The following STK38 variants were observed in gnomAD, a reference collection of about 807,000 sequenced individuals.
STK38 encodes the protein serine/threonine-protein kinase 38.
In STK38, 26 loss-of-function variants were observed where a neutral mutation model predicts 59.0. The ratio of observed to expected loss-of-function variants is 0.44; its 90% CI spans 0.32 to 0.61. The LOEUF is 0.61. Ranked by LOEUF, STK38 falls within the 20% of genes least tolerant of loss-of-function variation. The pLI, the probability that STK38 is intolerant of heterozygous loss-of-function variation, is 0.04. For synonymous variants in STK38, 175 were observed against 176.6 expected (o/e 0.99, Z 0.07); for missense variants, 433 against 566.0 (o/e 0.76, Z 2.38).
intron 10 of STK38, among the ~76,000 whole-genome samples, chr6:36,499,335 C>T (rs62402196): frequency 0.019 from 2,874 of 152,274 alleles, 40 homozygotes; most frequent in Non-Finnish European, 0.027. Context: ...CCACAGGCAT[C>T]GTTCCCATGT....
chr6:36,497,782 G>T lies in STK38; in HGVS notation c.1170C>A (p.Ile390=). 1 of 1,607,918 alleles carries T rather than the reference G, an allele frequency of 6.2e-7. No individual in the cohort carries two copies. Among genetic ancestry groups the T allele is most frequent in the South Asian group, 1.1e-5 (1 of 90,688 alleles). Residue 390 remains isoleucine, a splice_region_variant and synonymous_variant, in exon 12 of 14, where the codon ATC becomes ATA. Transcript: ENST00000229812. Reference sequence around the variant, plus strand: ...TGAAAGTGTTTATATGGATATACCTGATATGTTCCCAGTCAACGCCTTCAA... The same window carrying T: ...TGAAAGTGTTTATATGGATATACCTTATATGTTCCCAGTCAACGCCTTCAA... ...SFFEGVDWEH[I]RERPAAISIE...
chr6:36,528,602 A>G (rs668499), intron 2 of STK38, among the ~76,000 whole-genome samples: 66,692 of 152,048 alleles, frequency 0.44, 16,509 homozygotes, highest in African/African-American at 0.65. Flanking sequence ...CACATGTATT[A>G]GAGAGAAAAG....
chr6:36,507,656 G>A, intron 7 of STK38, 54 bp from the exon 8 acceptor site: 2 of 1,353,538 alleles, frequency 1.5e-6, no homozygotes, highest in Non-Finnish European at 2.1e-6. Context: ...AGGTAGAACA[G>A]AACATTACGT....
At chr6:36,513,135 TCCA>T (rs1382833854) in intron 7 of STK38, among the ~76,000 whole-genome samples, 3 of 152,028 alleles carry the variant, frequency 2.0e-5, no homozygotes, top group Non-Finnish European at 4.4e-5. Context: ...TTCTCCTGCC[TCCA>T]CCTCCCAGGT....
intron 9 of STK38, 55 bp from the exon 10 acceptor site, chr6:36,500,045 T>C: frequency 2.9e-6 from 4 of 1,399,996 alleles, no homozygotes; most frequent in Non-Finnish European, 4.1e-6. Flanking sequence ...GTGCCCAGAG[T>C]TCTGTTCTAG....
At chr6:36,524,214 G>C in intron 4 of STK38, 127 bp downstream of exon 4, 6 of 1,113,838 alleles carry the variant, frequency 5.4e-6, no homozygotes, top group Non-Finnish European at 7.4e-6. Flanking sequence ...ATTAGGATGT[G>C]GGGCTGGCAT....
chr6:36,511,622 C>A (rs1426820002), intron 7 of STK38, among the ~76,000 whole-genome samples: 1 of 151,628 alleles, frequency 6.6e-6, no homozygotes, highest in African/African-American at 2.4e-5. Context: ...TCCCAAAAAG[C>A]TGGGATTACA....
chr6:36,543,060 T>A (rs986553642), intron 1 of STK38, among the ~76,000 whole-genome samples: 1 of 152,088 alleles, frequency 6.6e-6, no homozygotes, highest in Non-Finnish European at 1.5e-5. Flanking sequence ...GCATTGGCAA[T>A]AGCGCTCAAT....
rs765672780 is a variant in STK38 at position 36,524,435 on chromosome 6, C to T, written c.212G>A (p.Arg71Gln). The part of the protein sequence containing the change: ...EKRLRRSAHA[R>Q]KETEFLRLKR... ...CAAACGAAGAAACTCTGTTTCCTTC[C>T]GAGCATGTGCTGATCTCCGGAGTCG... Residue 71 changes from arginine to glutamine, a missense_variant, in exon 4 of 14, where the codon CGG becomes CAG. By Grantham distance (43) the Arg-to-Gln change is conservative. Around this residue, in one of 3 missense-constraint regions of STK38, gnomAD observed 293 missense variants for 388.2 expected, o/e 0.75. Coordinates refer to ENST00000229812, the MANE Select transcript of STK38 (RefSeq NM_007271.4). 26 of 1,609,412 alleles carry T rather than the reference C, an allele frequency of 1.6e-5. No homozygotes were observed. The East Asian group carries it at 2.2e-4, about 14-fold the overall frequency.
chr6:36,524,951 A>G (rs992865311), intron 3 of STK38, among the ~76,000 whole-genome samples: 1 of 152,080 alleles, frequency 6.6e-6, no homozygotes, highest in Non-Finnish European at 1.5e-5. Context: ...AGTTCCTTGC[A>G]CAGTCCCTTG....
At chr6:36,539,146 G>A (rs1467923319) in intron 2 of STK38, among the ~76,000 whole-genome samples, 1 of 151,842 alleles carries the variant, frequency 6.6e-6, no homozygotes, top group Non-Finnish European at 1.5e-5. Context: ...AGCACTATGG[G>A]AGGCCGAGGC....
chr6:36,523,899 T>C (rs1777445621), intron 4 of STK38, among the ~76,000 whole-genome samples: 1 of 152,204 alleles, frequency 6.6e-6, no homozygotes, highest in African/African-American at 2.4e-5. Flanking sequence ...AGTGCAGTAC[T>C]GGGAAAAGCA....
At chr6:36,523,895 G>A (rs2127480879) in intron 4 of STK38, among the ~76,000 whole-genome samples, 1 of 152,296 alleles carries the variant, frequency 6.6e-6, no homozygotes, top group South Asian at 2.1e-4. Flanking sequence ...AGGCAGTGCA[G>A]TACTGGGAAA....
chr6:36,540,700 C>T (rs1777913749), intron 1 of STK38, among the ~76,000 whole-genome samples: 1 of 151,974 alleles, frequency 6.6e-6, no homozygotes, highest in African/African-American at 2.4e-5. Context: ...GATCTTGGCT[C>T]ACCGCAACCT....
chr6:36,509,294 T>G (rs1172362060), intron 7 of STK38, among the ~76,000 whole-genome samples: 1 of 152,130 alleles, frequency 6.6e-6, no homozygotes, highest in Non-Finnish European at 1.5e-5. Flanking sequence ...CTGACATCTG[T>G]GCAGCCCTCA....
In STK38 at chr6:36,525,643, C is replaced by G; in HGVS notation, c.132-1G>C. 6.2e-7 allele frequency: 1 copy of G among 1,612,514 alleles called. No homozygotes were observed. The highest frequency in any genetic ancestry group is 1.1e-5 in the South Asian group (1 of 90,984). The stretch of plus-strand genomic sequence containing the variant: ...CATCACCTTTTCTAACTTCTTTTGT[C>G]TAAAACAAACAAAAACAAAAGACAT... On this transcript the variant is annotated splice_acceptor_variant, in intron 2 of 13. Transcript: ENST00000229812. LOFTEE classifies it high-confidence loss of function.
intron 7 of STK38, among the ~76,000 whole-genome samples, chr6:36,509,363 G>A (rs914262813): frequency 1.3e-5 from 2 of 152,168 alleles, no homozygotes; most frequent in Non-Finnish European, 2.9e-5. Flanking sequence ...CCCATCTGCC[G>A]GGGTTCGGTA....
At chr6:36,519,787 C>T (rs1365199429) in intron 5 of STK38, among the ~76,000 whole-genome samples, 1 of 152,128 alleles carries the variant, frequency 6.6e-6, no homozygotes, top group African/African-American at 2.4e-5. Flanking sequence ...TTTGTCCCAT[C>T]AATAACTGTA....
At chr6:36,541,391 G>A (rs1561994963) in intron 1 of STK38, among the ~76,000 whole-genome samples, 1 of 151,850 alleles carries the variant, frequency 6.6e-6, no homozygotes, top group Non-Finnish European at 1.5e-5. Flanking sequence ...ACAACATAGT[G>A]AGACCTAAAA....
Sources: gnomAD v4.1 joint callset for allele counts (sites outside exome capture counted in the v4.1 genomes callset) on GRCh38, gnomAD v4.1.1 for gene constraint, gnomAD v4.1.1 regional missense constraint, MANE v1.5 for transcripts, NCBI Gene and HGNC (gene_info 2026-07-23, HGNC 2026-07-21) for gene names.